Variants in KHDRBS2 observed in about 807,000 individuals in gnomAD.
The protein encoded by KHDRBS2 is KH domain-containing, RNA-binding, signal transduction-associated protein 2.
A neutral mutation model predicts 44.3 loss-of-function variants in KHDRBS2; 26 were observed. The observed-to-expected ratio is 0.59, with a 90% CI of 0.43 to 0.81. KHDRBS2 has a LOEUF of 0.81. Among genes scored for constraint, KHDRBS2 ranks in the 40% least tolerant of loss-of-function variants. KHDRBS2 has a pLI of 0.00. For missense variants in KHDRBS2, 476 were observed against 433.1 expected (o/e 1.10, Z -0.88); for synonymous variants, 194 against 151.1 (o/e 1.28, Z -2.08).
intron 1 of KHDRBS2, among the ~76,000 whole-genome samples, chr6:62,259,421 A>T (rs1283027681): frequency 2.6e-5 from 4 of 151,928 alleles, no homozygotes; most frequent in Admixed American, 2.6e-4. Context: ...ATTCAGTTTT[A>T]TAACTTTTTT....
intron 4 of KHDRBS2, among the ~76,000 whole-genome samples, chr6:61,910,466 T>C (rs1455253287): frequency 1.3e-5 from 2 of 152,178 alleles, no homozygotes; most frequent in Non-Finnish European, 1.5e-5. Context: ...TCTTAAATGG[T>C]GAGTGACTGT....
intron 6 of KHDRBS2, among the ~76,000 whole-genome samples, chr6:61,771,541 T>C (rs1052746713): frequency 6.6e-6 from 1 of 152,064 alleles, no homozygotes; most frequent in African/African-American, 2.4e-5. Flanking sequence ...GCAATCCTAG[T>C]CTCTGATAAA....
chr6:61,575,031 ACTC>A, the KHDRBS2 span, among the ~76,000 whole-genome samples: 1 of 152,236 alleles, frequency 6.6e-6, no homozygotes, highest in Non-Finnish European at 1.5e-5. Flanking sequence ...CATTGGAAAA[ACTC>A]CTCTAGACAT....
chr6:61,769,067 G>T (rs998272452), intron 6 of KHDRBS2, among the ~76,000 whole-genome samples: 2 of 152,158 alleles, frequency 1.3e-5, no homozygotes, highest in African/African-American at 4.8e-5. Flanking sequence ...AAAATGCTCA[G>T]ATAAAGAGAA....
intron 2 of KHDRBS2, among the ~76,000 whole-genome samples, chr6:62,121,148 T>C (rs898893226): frequency 6.6e-6 from 1 of 152,160 alleles, no homozygotes; most frequent in Non-Finnish European, 1.5e-5. Flanking sequence ...GAATGTGTAA[T>C]TGGCATAGAC....
At chr6:62,059,352 A>G (rs1277846954) in intron 2 of KHDRBS2, among the ~76,000 whole-genome samples, 1 of 151,186 alleles carries the variant, frequency 6.6e-6, no homozygotes, top group South Asian at 2.1e-4. Flanking sequence ...AGCAGGAAAA[A>G]GCTAAACATG....
At chr6:62,020,117 T>C (rs1185051901) in intron 3 of KHDRBS2, among the ~76,000 whole-genome samples, 4 of 151,994 alleles carry the variant, frequency 2.6e-5, no homozygotes, top group Non-Finnish European at 5.9e-5. Context: ...ATGTTATATG[T>C]TCATATTCAT....
At chr6:61,614,126 G>T in the KHDRBS2 span, among the ~76,000 whole-genome samples, 12 of 152,144 alleles carry the variant, frequency 7.9e-5, no homozygotes, top group Admixed American at 2.6e-4. Flanking sequence ...TTCCCAAATA[G>T]TGAGAACCTC....
intron 6 of KHDRBS2, among the ~76,000 whole-genome samples, chr6:61,767,202 A>G (rs1331782208): frequency 1.3e-5 from 2 of 152,104 alleles, no homozygotes; most frequent in African/African-American, 4.8e-5. Context: ...TTATCATTAC[A>G]TAATGATCTC....
intron 3 of KHDRBS2, among the ~76,000 whole-genome samples, chr6:62,025,342 C>T (rs1783093818): frequency 6.6e-6 from 1 of 151,550 alleles, no homozygotes; most frequent in Non-Finnish European, 1.5e-5. Flanking sequence ...TTACTACATT[C>T]TTTTTCCTAA....
downstream of KHDRBS2, chr6:61,679,924 A>G (rs141103248): frequency 6.6e-6 from 1 of 152,064 alleles, no homozygotes; most frequent in African/African-American, 2.4e-5. Flanking sequence ...AAACAAGTCA[A>G]TCAGAATTTG....
chr6:61,838,599 T>C (rs1286287309), intron 6 of KHDRBS2, among the ~76,000 whole-genome samples: 1 of 152,014 alleles, frequency 6.6e-6, no homozygotes, highest in African/African-American at 2.4e-5. Flanking sequence ...TCAGGAATGA[T>C]ATAAAAGAGA....
intron 6 of KHDRBS2, among the ~76,000 whole-genome samples, chr6:61,846,919 T>C (rs1794500984): frequency 6.6e-6 from 1 of 152,068 alleles, no homozygotes; most frequent in Non-Finnish European, 1.5e-5. Flanking sequence ...AAGATGCTAT[T>C]TTGTTCTAGT....
intron 1 of KHDRBS2, among the ~76,000 whole-genome samples, chr6:62,210,368 T>A (rs1032212550): frequency 6.7e-6 from 1 of 148,956 alleles, no homozygotes; most frequent in African/African-American, 2.5e-5. Context: ...CTCGCTCTTG[T>A]CCCCTAGGCT....
chr6:61,714,918 T>C (rs1262575838), intron 7 of KHDRBS2, among the ~76,000 whole-genome samples: 1 of 151,706 alleles, frequency 6.6e-6, no homozygotes, highest in East Asian at 2.0e-4. Context: ...AGATGGTAAG[T>C]GGGTGATGAG....
chr6:61,813,231 A>G (rs932317234), intron 6 of KHDRBS2, among the ~76,000 whole-genome samples: 16 of 152,126 alleles, frequency 1.1e-4, no homozygotes, highest in Non-Finnish European at 2.2e-4. Context: ...AAGATGAGAA[A>G]GTTAGAGTTG....
At position 62,082,310 on chromosome 6, in the gene KHDRBS2, GGTGTGTGTGTGT is replaced by G. The variant is rs142069290; in HGVS notation, c.220-34328_220-34317del. Among the ~76,000 whole-genome samples the G allele has an allele frequency of 3.3e-4, 49 of 149,140 alleles. 2 individuals are homozygous for G. Among genetic ancestry groups the G allele is most frequent in the Admixed American group, 1.1e-3 (17 of 14,886 alleles). ...TTTAAAGAGAGAGCAAATACACACT[GGTGTGTGTGTGT>G]GTGTGTGTGTGTGTGTGAACAACCC... On this transcript the variant is annotated intron_variant, in intron 2 of 8. Transcript: ENST00000281156.
At chr6:62,096,059 G>T (rs1409340258) in intron 2 of KHDRBS2, among the ~76,000 whole-genome samples, 2 of 151,868 alleles carry the variant, frequency 1.3e-5, no homozygotes, top group Non-Finnish European at 2.9e-5. Flanking sequence ...GTATCCCTGG[G>T]ATGAATCCCA....
chr6:62,021,889 C>T lies in KHDRBS2; in HGVS notation c.336+25989G>A, dbSNP rs144515551. Among the ~76,000 whole-genome samples the T allele has an allele frequency of 4.1e-3, 620 of 150,242 alleles. 3 individuals carry two copies. The highest frequency in any genetic ancestry group is 0.013 in the African/African-American group (554 of 41,048). ...CTTTTTTCAAAATTTAAAGAGACTA[C>T]GGGTAAATATGCTTTGTGAAAAAAG... On this transcript the variant is annotated intron_variant, in intron 3 of 8. Transcript: ENST00000281156.
Sources: gnomAD v4.1 joint callset for allele counts (sites outside exome capture counted in the v4.1 genomes callset) on GRCh38, gnomAD v4.1.1 for gene constraint, MANE v1.5 for transcripts, NCBI Gene and HGNC (gene_info 2026-07-23, HGNC 2026-07-21) for gene names.